Variants in CORO7 observed in about 807,000 individuals in gnomAD.
CORO7 encodes the protein coronin-7.
Under a neutral mutation model 126.6 loss-of-function variants are expected in CORO7, and 107 were observed. The observed-to-expected ratio is 0.85, with a 90% CI of 0.72 to 0.99. The LOEUF (loss-of-function observed/expected upper bound fraction) is 0.99. CORO7 is among the 50% of genes least tolerant of loss of function. The pLI is 0.00. For synonymous variants in CORO7, 603 were observed against 536.8 expected (o/e 1.12, Z -1.70); for missense variants, 1,314 against 1,255.8 (o/e 1.05, Z -0.70).
intron 9 of CORO7, chr16:4,381,450 T>C: frequency 6.3e-7 from 1 of 1,580,634 alleles, no homozygotes; most frequent in Non-Finnish European, 8.6e-7. Flanking sequence ...TCCTGGACAC[T>C]GCCAACGTGG....
At chr16:4,400,634 A>T (rs1396359872) in intron 6 of CORO7, among the ~76,000 whole-genome samples, 1 of 147,688 alleles carries the variant, frequency 6.8e-6, no homozygotes. Context: ...ACTCTGTCTC[A>T]AAAACAAAAA....
At chr16:4,391,613 C>A (rs1462879975) in intron 7 of CORO7, among the ~76,000 whole-genome samples, 1 of 152,196 alleles carries the variant, frequency 6.6e-6, no homozygotes, top group South Asian at 2.1e-4. Flanking sequence ...TGCCTGTAGT[C>A]CCAGCTACCA....
At position 4,359,367 on chromosome 16, in the gene CORO7, G is replaced by A. The variant is rs367809869; in HGVS notation, c.2269C>T (p.Leu757=). 1 of 1,613,560 alleles carries A rather than the reference G, an allele frequency of 6.2e-7. No homozygotes were observed. Among genetic ancestry groups the A allele is most frequent in the Non-Finnish European group, 8.5e-7 (1 of 1,179,958 alleles). The change falls in exon 23 of 28, where the codon CTG becomes TTG. Residue 757 remains leucine, a synonymous_variant. Transcript: ENST00000251166. ...LTGKGDTRVF[L]YELLPESPFF... Reference sequence around the variant, plus strand: ...GGGGACTCGGGGAGCAGCTCGTACAGGAATACACGGGTGTCGCCCTGCGGG... The same window carrying A: ...GGGGACTCGGGGAGCAGCTCGTACAAGAATACACGGGTGTCGCCCTGCGGG...
At position 4,405,949 on chromosome 16, in the gene CORO7, C is replaced by T. The variant is rs536030223; in HGVS notation, c.488-382G>A. Among the ~76,000 whole-genome samples the T allele has an allele frequency of 3.3e-5, 5 of 152,328 alleles. No homozygotes were observed. In the South Asian group the frequency reaches 8.3e-4, roughly 25 times the overall value. On this transcript the variant is annotated intron_variant, in intron 5 of 27. Transcript: ENST00000251166. ...AGGTCTTAAAATACTTCTCTACATT[C>T]TCTGCAACTCCTGTTCCAGGTTAAA...
intron 19 of CORO7, 80 bp downstream of exon 19, chr16:4,360,863 T>A: frequency 6.7e-7 from 1 of 1,502,830 alleles, no homozygotes; most frequent in East Asian, 2.4e-5. Flanking sequence ...GCCCCGCCAC[T>A]CCTCACTGCT....
chr16:4,393,089 G>A (rs996638712), intron 7 of CORO7, among the ~76,000 whole-genome samples: 2 of 152,236 alleles, frequency 1.3e-5, no homozygotes, highest in African/African-American at 4.8e-5. Context: ...GAAAGAGGGG[G>A]CGGAGGAGGG....
At chr16:4,408,098 C>A in intron 4 of CORO7, 83 bp downstream of exon 4, 1 of 1,600,720 alleles carries the variant, frequency 6.2e-7, no homozygotes, top group South Asian at 1.1e-5. Flanking sequence ...GCAGCAGAGC[C>A]CTGTGGGGAT....
intron 9 of CORO7, chr16:4,380,753 G>A: frequency 8.4e-7 from 1 of 1,183,720 alleles, no homozygotes; most frequent in African/African-American, 1.5e-5. Context: ...CATAACCATT[G>A]GGTTCTCTTG....
chr16:4,396,254 A>G (rs2055587911), intron 6 of CORO7, among the ~76,000 whole-genome samples: 3 of 151,860 alleles, frequency 2.0e-5, no homozygotes, highest in Admixed American at 2.0e-4. Context: ...TAATTTTTGT[A>G]TTTTTGGTAG....
In CORO7 at chr16:4,364,582, C is replaced by T. The variant is rs1364035401; in HGVS notation, c.1137+15G>A. ...CTCGGGGAGGCTGGGAGAGGTGAGC[C>T]AGCCCTGGTCCTACCTGCTGGTTGT... is the stretch of plus-strand genomic sequence containing the variant. On this transcript the variant is annotated intron_variant, in intron 13 of 27. Transcript: ENST00000251166. The T allele has an allele frequency of 4.3e-5, 67 of 1,550,028 alleles. No homozygotes were observed. The highest frequency in any genetic ancestry group is 6.8e-5 in the African/African-American group (5 of 73,352).
At chr16:4,378,928 C>G (rs1296317577) in intron 9 of CORO7, among the ~76,000 whole-genome samples, 3 of 152,024 alleles carry the variant, frequency 2.0e-5, no homozygotes, top group Non-Finnish European at 4.4e-5. Flanking sequence ...TCTGGCAGTG[C>G]GATACTACAC....
intron 6 of CORO7, among the ~76,000 whole-genome samples, chr16:4,405,211 C>G (rs2055952068): frequency 6.6e-6 from 1 of 152,230 alleles, no homozygotes; most frequent in Admixed American, 6.5e-5. Flanking sequence ...ACAGACCAGA[C>G]AGGCGGCCAG....
In CORO7 at chr16:4,357,803, A is replaced by G. The variant is rs2054027410; in HGVS notation, c.2593+165T>C. On this transcript the variant is annotated intron_variant, in intron 25 of 27. Coordinates refer to ENST00000251166, the MANE Select transcript of CORO7 (RefSeq NM_024535.5). ...ACCTGTGATGAAAACACAGACCACGAGCCCTGCCCTCCACTGGCTCAGAGA... is the reference window on the plus strand; with the variant it reads ...ACCTGTGATGAAAACACAGACCACGGGCCCTGCCCTCCACTGGCTCAGAGA... The G allele has an allele frequency of 4.7e-6, 6 of 1,275,568 alleles. No individual in the cohort carries two copies. The East Asian group carries it at 1.5e-4, about 33-fold the overall frequency. 79.0% of individuals were successfully genotyped at this position (1,275,568 alleles called of 1,614,324 possible).
At chr16:4,401,911 C>CTTT (rs58167321) in intron 6 of CORO7, among the ~76,000 whole-genome samples, 4 of 139,892 alleles carry the variant, frequency 2.9e-5, no homozygotes, top group African/African-American at 7.9e-5. Context: ...TCTTTTTTTC[C>CTTT]TTTTTTTTTT....
In CORO7 at chr16:4,416,467, G is replaced by C. The variant is rs749326506; in HGVS notation, c.52C>G (p.Arg18Gly). Reference sequence around the variant, plus strand: ...CCTCGGGCCGGACTCACCTCGCGGCGGGGCGGCCGAGCCTCGGTGTGCCGG... The same window carrying C: ...CCTCGGGCCGGACTCACCTCGCGGCCGGGCGGCCGAGCCTCGGTGTGCCGG... ...KFRHTEARPP[R>G]RESWISDIRA... Residue 18 changes from arginine to glycine, a missense_variant, in exon 1 of 28, where the codon CGC (arginine) becomes GGC (glycine). Arg to Gly is a moderately radical substitution (Grantham distance 125). Transcript: ENST00000251166. 3.8e-6 allele frequency: 6 copies of C among 1,575,170 alleles called. No individual in the cohort carries two copies. The highest frequency in any genetic ancestry group is 2.3e-5 in the South Asian group (2 of 87,250).
intron 6 of CORO7, among the ~76,000 whole-genome samples, chr16:4,399,923 A>G (rs1336877026): frequency 6.6e-6 from 1 of 152,206 alleles, no homozygotes; most frequent in Non-Finnish European, 1.5e-5. Flanking sequence ...ACAAAAATAC[A>G]TTGCTAAGTT....
At chr16:4,388,499 T>G (rs868657895) in intron 8 of CORO7, 46 bp downstream of exon 8, 1 of 1,586,642 alleles carries the variant, frequency 6.3e-7, no homozygotes, top group South Asian at 1.1e-5. Context: ...GGGCTGGACA[T>G]GTCCCCACCT....
At position 4,362,685 on chromosome 16, in the gene CORO7, G is replaced by C; in HGVS notation, c.1329C>G (p.Ser443Arg). 5 of 1,487,396 alleles carry C rather than the reference G, an allele frequency of 3.4e-6. No homozygotes were observed. The highest frequency in any genetic ancestry group is 4.5e-6 in the Non-Finnish European group (5 of 1,118,446). The allele number at this position is 1,487,396 out of a possible 1,614,324, so 92.1% of individuals were successfully genotyped here. Residue 443 changes from serine (S) to arginine (R), a missense_variant, in exon 15 of 28, where the codon AGC (serine) becomes AGG (arginine). Transcript: ENST00000251166. The surrounding 1 kb of genome is among the most constrained non-coding windows in gnomAD (Gnocchi z 5.3). ...TGGTGCTGGAGAGTGAGGGCCCCAG[G>C]CTGGAGGGCGTGGAGGGCGAGGTCA... ...SSLTSPSTPS[S>R]LGPSLSSTSG...
intron 1 of CORO7, chr16:4,416,027 G>T: frequency 8.2e-6 from 3 of 363,882 alleles, no homozygotes; most frequent in Non-Finnish European, 1.2e-5. Context: ...AGAGAGGGGC[G>T]TCTCCCCACA....
Sources: allele counts gnomAD v4.1 joint callset (sites outside exome capture counted in the v4.1 genomes callset), GRCh38; gene constraint gnomAD v4.1.1; non-coding constraint Gnocchi (gnomAD v3.1); transcripts MANE v1.5; gene names NCBI Gene and HGNC (gene_info 2026-07-23, HGNC 2026-07-21).